Variants in MRTFB observed in about 807,000 individuals in gnomAD.
The protein encoded by MRTFB is myocardin related transcription factor B, also known as myocardin-related transcription factor B.
MRTFB carries 29 observed loss-of-function variants against 104.2 expected under a neutral mutation model. The observed-to-expected ratio is 0.28, with a 90% confidence interval of 0.21 to 0.38. The LOEUF (loss-of-function observed/expected upper bound fraction) is 0.38. Among genes scored for constraint, MRTFB ranks in the 10% least tolerant of loss-of-function variants. The pLI, the probability that MRTFB is intolerant of heterozygous loss-of-function variation, is 1.00. For synonymous variants in MRTFB, 535 were observed against 519.5 expected, an observed-to-expected ratio of 1.03 and a Z score of -0.41; for missense variants, 1,270 against 1,341.6, an observed-to-expected ratio of 0.95 and a Z score of 0.83.
the MRTFB span, among the ~76,000 whole-genome samples, chr16:14,063,515 C>G: frequency 6.6e-6 from 1 of 152,144 alleles, no homozygotes; most frequent in Non-Finnish European, 1.5e-5. Flanking sequence ...CCGACTCAAC[C>G]CTCAAATAAA....
chr16:14,259,030 C>T (rs2151473223), intron 16 of MRTFB, among the ~76,000 whole-genome samples: 1 of 152,222 alleles, frequency 6.6e-6, no homozygotes, highest in East Asian at 1.9e-4. Context: ...CCATTTATAG[C>T]AGGTATTATT....
At chr16:14,238,034 TACAGGC>T (rs1567202886) in intron 9 of MRTFB, among the ~76,000 whole-genome samples, 1 of 152,086 alleles carries the variant, frequency 6.6e-6, no homozygotes, top group Non-Finnish European at 1.5e-5. Context: ...GTTATATGAG[TACAGGC>T]ATGAAGTGGA....
At chr16:14,258,377 C>G (rs2043605391) in intron 16 of MRTFB, among the ~76,000 whole-genome samples, 6 of 152,160 alleles carry the variant, frequency 3.9e-5, no homozygotes. Flanking sequence ...CTTTGGGAGT[C>G]TGAGCCCAGG....
chr16:14,048,620 T>C, the MRTFB span, among the ~76,000 whole-genome samples: 1 of 152,078 alleles, frequency 6.6e-6, no homozygotes, highest in South Asian at 2.1e-4. Flanking sequence ...TTATTCTAAG[T>C]GTGGTGGGAA....
chr16:14,212,289 T>C lies in MRTFB; in HGVS notation c.221-65T>C, dbSNP rs1010094770. On this transcript the variant is annotated intron_variant, in intron 4 of 16. Coordinates refer to ENST00000571589, the MANE Select transcript of MRTFB (RefSeq NM_001308142.2). ...TAATAATAGGGTTATCACCATGGTA[T>C]ACTATAACATTGGACTGAAGTATGA... 2.0e-6 allele frequency: 3 copies of C among 1,479,474 alleles called. No homozygotes were observed. The African/African-American group carries it at 4.2e-5, about 21-fold the overall frequency. 91.6% of individuals were successfully genotyped at this position (1,479,474 alleles called of 1,614,324 possible).
chr16:14,153,829 C>G (rs935403245), intron 3 of MRTFB, among the ~76,000 whole-genome samples: 2 of 152,030 alleles, frequency 1.3e-5, no homozygotes, highest in African/African-American at 4.8e-5. Flanking sequence ...TAAAGTTGTT[C>G]AAGTCTTCTA....
Position 14,247,256 on chromosome 16 carries a change from T to C in MRTFB, c.1996T>C (p.Ser666Pro). 1.2e-6 allele frequency: 2 copies of C among 1,614,242 alleles called. No individual in the cohort carries two copies. Among genetic ancestry groups the C allele is most frequent in the Non-Finnish European group, 1.7e-6 (2 of 1,180,050 alleles). Reference sequence around the variant, plus strand: ...CAGCCACGCTGTAGGCCAGCCCGTCTCTACAGGTGGCCAGACCCTTGTTGC... The same window carrying C: ...CAGCCACGCTGTAGGCCAGCCCGTCCCTACAGGTGGCCAGACCCTTGTTGC... ...VASHAVGQPV[S>P]TGGQTLVAKK... is the part of the protein sequence containing the mutation. Residue 666 changes from serine (S) to proline (P), a missense_variant, in exon 12 of 17, where the codon TCT becomes CCT. By Grantham distance (74) the Ser-to-Pro change is moderately conservative. Around this residue, in one of 3 missense-constraint regions of MRTFB, gnomAD observed 1,144 missense variants for 1,131.5 expected, o/e 1.01. Transcript: ENST00000571589.
chr16:14,139,680 C>T (rs940068966), intron 2 of MRTFB, among the ~76,000 whole-genome samples: 3 of 152,114 alleles, frequency 2.0e-5, no homozygotes, highest in Admixed American at 6.5e-5. Context: ...GATACCTGTA[C>T]GGGAGCATTT....
intron 15 of MRTFB, among the ~76,000 whole-genome samples, chr16:14,253,870 C>T (rs1302309816): frequency 6.6e-6 from 1 of 152,290 alleles, no homozygotes; most frequent in East Asian, 1.9e-4. Flanking sequence ...CAAATATTTG[C>T]AATAAGAAGT....
At chr16:14,212,115 T>C (rs1452419602) in intron 4 of MRTFB, among the ~76,000 whole-genome samples, 10 of 152,224 alleles carry the variant, frequency 6.6e-5, no homozygotes, top group African/African-American at 2.2e-4. Context: ...TGAACTGATA[T>C]TTGCATTGTC....
chr16:14,146,361 G>A (rs572881692), intron 3 of MRTFB, among the ~76,000 whole-genome samples: 3 of 152,146 alleles, frequency 2.0e-5, no homozygotes, highest in Non-Finnish European at 4.4e-5. Flanking sequence ...TTTAAACTTC[G>A]GTATTACAAC....
intron 10 of MRTFB, chr16:14,241,045 G>A: frequency 2.1e-6 from 1 of 482,990 alleles, no homozygotes; most frequent in Non-Finnish European, 3.6e-6. Flanking sequence ...TAAGTAAAAA[G>A]TGGAAGACAA....
rs1308775267 is a variant in MRTFB, at chr16:14,264,057, G to A, written c.*2613G>A. 6 of 152,218 alleles carry A rather than the reference G, an allele frequency of 3.9e-5. No individual in the cohort carries two copies. The highest frequency in any genetic ancestry group is 6.5e-5 in the Admixed American group (1 of 15,286). The allele number at this position is 152,218 out of a possible 1,614,324, so 9.4% of individuals were successfully genotyped here. A position where few individuals can be genotyped will look rare whatever the true frequency, so the allele number is the denominator to read the frequency against. On this transcript the variant is annotated 3_prime_UTR_variant, in exon 17 of 17. Transcript: ENST00000571589. ...GTGTGATGGTGAGTGCAATGAGGAAGGGTGGATATTGACTAAAGACTGGTT... is the reference window on the plus strand; with the variant it reads ...GTGTGATGGTGAGTGCAATGAGGAAAGGTGGATATTGACTAAAGACTGGTT...
chr16:14,037,599 C>T, the MRTFB span, among the ~76,000 whole-genome samples: 1 of 152,172 alleles, frequency 6.6e-6, no homozygotes, highest in South Asian at 2.1e-4. Context: ...ATTGGGTGCT[C>T]TCATGGCTGT....
Position 14,258,634 on chromosome 16 carries a change from A to ATT in MRTFB, c.2764+475_2764+476dup, listed in dbSNP as rs1567228649. ...AGACCAGATAGCAAAGTAGAACCAG[A>ATT]TTTAAATTCCATGTTGAATAGCTTC... On this transcript the variant is annotated intron_variant, in intron 16 of 16. Transcript: ENST00000571589. Among the ~76,000 whole-genome samples, 5 of 152,362 alleles carry ATT rather than the reference A, an allele frequency of 3.3e-5. No individual in the cohort carries two copies. The East Asian group carries it at 9.6e-4, about 29-fold the overall frequency.
intron 3 of MRTFB, chr16:14,148,822 C>T (rs2038462186): frequency 6.5e-6 from 1 of 152,720 alleles, no homozygotes; most frequent in Non-Finnish European, 1.5e-5. Flanking sequence ...GGCCCTTCCT[C>T]ATTACATCAT....
At chr16:14,119,275 T>C (rs2036712213) in intron 2 of MRTFB, among the ~76,000 whole-genome samples, 2 of 152,152 alleles carry the variant, frequency 1.3e-5, no homozygotes, top group Non-Finnish European at 2.9e-5. Context: ...TTATAGTTCA[T>C]TGTTGGTCTT....
chr16:14,028,177 A>G, the MRTFB span, among the ~76,000 whole-genome samples: 2 of 151,598 alleles, frequency 1.3e-5, no homozygotes, highest in African/African-American at 4.9e-5. Context: ...ACTCCATCTC[A>G]AAAAACAAAA....
rs372854652 is a variant in MRTFB at position 14,234,194 on chromosome 16, A to C, written c.742A>C (p.Thr248Pro). 1 of 1,613,892 alleles carries C rather than the reference A, an allele frequency of 6.2e-7. No individual in the cohort carries two copies. The change falls in exon 9 of 17, where the codon ACT (threonine) becomes CCT (proline). Residue 248 changes from threonine to proline, a missense_variant. Thr to Pro is a conservative substitution (Grantham distance 38, BLOSUM62 -1). Transcript: ENST00000571589. ...TCCTGAATTCTTGAAAACTCCTCCA[A>C]CTGCAGATCAGCCTCCCCCACGGCC... ...TVPEFLKTPP[T>P]ADQPPPRPAA... is the part of the protein sequence containing the mutation.
Sources: allele counts gnomAD v4.1 joint callset (sites outside exome capture counted in the v4.1 genomes callset), GRCh38; gene constraint gnomAD v4.1.1; regional missense constraint gnomAD v4.1.1; transcripts MANE v1.5; gene names NCBI Gene and HGNC (gene_info 2026-07-23, HGNC 2026-07-21).